The following OPTN variants were observed in gnomAD, a reference collection of about 807,000 sequenced individuals.
OPTN encodes optineurin, also known as E3-14.7K-interacting protein.
OPTN carries 54 observed loss-of-function variants against 70.4 expected under a neutral mutation model. The ratio of observed to expected loss-of-function variants is 0.77; its 90% confidence interval spans 0.62 to 0.96. OPTN has a LOEUF of 0.96. OPTN is among the 40% of genes least tolerant of loss of function. The probability of loss-of-function intolerance (pLI) is 0.00; values close to 1 mark genes in which losing one functional copy is unlikely to be tolerated. For missense variants in OPTN, 624 were observed against 673.2 expected (o/e 0.93, Z 0.81); for synonymous variants, 256 against 248.5 (o/e 1.03, Z -0.28).
Position 13,122,330 on chromosome 10 carries a change from T to A in OPTN, c.780-55T>A. The A allele has an allele frequency of 3.3e-6, 4 of 1,197,516 alleles. No individual in the cohort carries two copies. In the South Asian group the frequency reaches 3.7e-5, roughly 11 times the overall value. The allele number at this position is 1,197,516 out of a possible 1,614,324, so 74.2% of individuals were successfully genotyped here. On this transcript the variant is annotated intron_variant, in intron 7 of 14. Coordinates refer to ENST00000378747, the MANE Select transcript of OPTN (RefSeq NM_001008212.2). The stretch of plus-strand genomic sequence containing the variant: ...TTTTTAGTACTTCTGTAATAATTGC[T>A]ATTTCTCTTAAAGCCAAAGAGAAAG...
intron 7 of OPTN, 107 bp downstream of exon 7, chr10:13,119,147 T>G: frequency 9.1e-7 from 1 of 1,100,352 alleles, no homozygotes; most frequent in Non-Finnish European, 1.3e-6. Flanking sequence ...TTTCAGTGTT[T>G]TTTAGAATAT....
At chr10:13,130,281 C>T (rs946087744) in intron 12 of OPTN, among the ~76,000 whole-genome samples, 19 of 151,532 alleles carry the variant, frequency 1.3e-4, no homozygotes, top group African/African-American at 2.7e-4. Context: ...AAAAATTAGC[C>T]GAGCGTGTTG....
rs144948410 is a variant in OPTN, at chr10:13,102,769, C to G, written c.-164+2467C>G. ...ACCAGCCTGGCCAACGTGGCAAAAC[C>G]CTGTCTCTACTAAAAATACAAAAAT... On this transcript the variant is annotated intron_variant, in intron 1 of 14. Coordinates refer to ENST00000378747, the MANE Select transcript of OPTN (RefSeq NM_001008212.2). 2.6e-5 allele frequency among the ~76,000 whole-genome samples: 4 copies of G among 152,120 alleles called. No individual in the cohort carries two copies. The East Asian group carries it at 7.7e-4, about 29-fold the overall frequency.
At chr10:13,117,439 G>GA (rs1833242201) in intron 6 of OPTN, among the ~76,000 whole-genome samples, 1 of 32,746 alleles carries the variant, frequency 3.1e-5, no homozygotes, top group African/African-American at 1.3e-4. Context: ...TTGAGATGGA[G>GA]TTTTTTTTTT....
intron 1 of OPTN, chr10:13,104,778 C>T (rs1832827938): frequency 3.4e-6 from 2 of 594,886 alleles, no homozygotes; most frequent in African/African-American, 1.9e-5. Context: ...CCCTTCTAGC[C>T]ATCTGGTTAG....
chr10:13,118,409 G>T (rs1327833818), intron 6 of OPTN, among the ~76,000 whole-genome samples: 2 of 152,186 alleles, frequency 1.3e-5, no homozygotes, highest in Admixed American at 1.3e-4. Context: ...CTCATTATTT[G>T]AAACCACAAG....
chr10:13,100,273 G>T lies in OPTN; in HGVS notation c.-193G>T. 6.6e-6 allele frequency: 1 copy of T among 152,634 alleles called. No homozygotes were observed. Among genetic ancestry groups the T allele is most frequent in the South Asian group, 2.0e-4 (1 of 4,982 alleles). The allele number at this position is 152,634 out of a possible 1,614,324, so 9.5% of individuals were successfully genotyped here. A position where few individuals can be genotyped will look rare whatever the true frequency, so the allele number is the denominator to read the frequency against. On this transcript the variant is annotated 5_prime_UTR_variant, in exon 1 of 15. The change abolishes the stop of an existing upstream ORF in the 5' untranslated region. Transcript: ENST00000378747. ...GGCGGCACGATGCCGAGGAAACAGT[G>T]ACCCTGAGCGAAGCCAAGCCGGGCG...
intron 5 of OPTN, among the ~76,000 whole-genome samples, chr10:13,114,120 T>C (rs1228086191): frequency 6.6e-6 from 1 of 150,734 alleles, no homozygotes; most frequent in Non-Finnish European, 1.5e-5. Flanking sequence ...AAGAGAAAAA[T>C]GTACATTGTA....
intron 7 of OPTN, among the ~76,000 whole-genome samples, chr10:13,120,246 C>A (rs1833316843): frequency 6.6e-6 from 1 of 152,068 alleles, no homozygotes; most frequent in African/African-American, 2.4e-5. Flanking sequence ...CCTCAGCCTC[C>A]CAAAGCGCTG....
Position 13,116,973 on chromosome 10 carries a change from GCAAAGCAGTGCTCAC to G in OPTN, c.626+637_626+651del, listed in dbSNP as rs575551273. On this transcript the variant is annotated intron_variant, in intron 6 of 14. Coordinates refer to ENST00000378747, the MANE Select transcript of OPTN (RefSeq NM_001008212.2). ...TGAGCGCCTGAACCTCTTGACTCTCGCAAAGCAGTGCTCACCAAGGAGACTGCTAGCTCGCCTTCT... is the reference window on the plus strand; with the variant it reads ...TGAGCGCCTGAACCTCTTGACTCTCGCAAGGAGACTGCTAGCTCGCCTTCT... Among the ~76,000 whole-genome samples the G allele has an allele frequency of 5.9e-5, 9 of 152,038 alleles. No individual in the cohort carries two copies. The South Asian group carries it at 1.5e-3, about 25-fold the overall frequency.
At chr10:13,131,973 T>C (rs1833601678) in intron 12 of OPTN, 94 bp from the exon 13 acceptor site, 2 of 1,268,244 alleles carry the variant, frequency 1.6e-6, no homozygotes, top group Middle Eastern at 2.1e-4. Flanking sequence ...CAAGGGCTAT[T>C]GAAGGATACA....
intron 5 of OPTN, among the ~76,000 whole-genome samples, chr10:13,115,215 A>ATAGATATATCTATATATATC (rs1833143400): frequency 1.2e-5 from 1 of 86,924 alleles, no homozygotes; most frequent in African/African-American, 4.7e-5. Flanking sequence ...ATATTTATAT[A>ATAGATATATCTATATATATC]TATATTTATA....
intron 5 of OPTN, among the ~76,000 whole-genome samples, chr10:13,113,614 A>G (rs983872460): frequency 3.3e-5 from 5 of 152,178 alleles, no homozygotes; most frequent in South Asian, 2.1e-4. Flanking sequence ...GGGCAGCCCT[A>G]TTGAAGAGCA....
At chr10:13,118,813 A>G (rs577445500) in intron 6 of OPTN, 75 bp from the exon 7 acceptor site, 1 of 1,270,166 alleles carries the variant, frequency 7.9e-7, no homozygotes, top group Admixed American at 1.7e-5. Flanking sequence ...AGCTGGTCCC[A>G]GTTATATTGG....
chr10:13,134,102 C>T (rs1471221071), intron 14 of OPTN, among the ~76,000 whole-genome samples: 3 of 152,228 alleles, frequency 2.0e-5, no homozygotes, highest in Non-Finnish European at 4.4e-5. Flanking sequence ...AGCCACTGTA[C>T]CCGGCCTACA....
In OPTN at chr10:13,126,283, C is replaced by CCTTTTTTTTT. The variant is rs771767144; in HGVS notation, c.1242+244_1242+245insCTTTTTTTTT. 4.7e-4 allele frequency among the ~76,000 whole-genome samples: 66 copies of CCTTTTTTTTT among 139,044 alleles called. 2 individuals are homozygous for CCTTTTTTTTT. Among genetic ancestry groups the CCTTTTTTTTT allele is most frequent in the African/African-American group, 1.6e-3 (60 of 36,706 alleles). 91.2% of individuals were successfully genotyped at this position (139,044 alleles called of 152,430 possible). ...GTCAGGGATTAAGCACTTCGTATTT[C>CCTTTTTTTTT]TTTTTTTTTTTTTTTGAGACGGAGT... On this transcript the variant is annotated intron_variant, in intron 11 of 14. Coordinates refer to ENST00000378747, the MANE Select transcript of OPTN (RefSeq NM_001008212.2).
At chr10:13,104,232 T>C (rs1832809313) in intron 1 of OPTN, among the ~76,000 whole-genome samples, 1 of 149,196 alleles carries the variant, frequency 6.7e-6, no homozygotes, top group African/African-American at 2.5e-5. Context: ...TCATCCAAAA[T>C]CAGTTAAATT....
intron 6 of OPTN, among the ~76,000 whole-genome samples, chr10:13,117,295 T>C (rs978834040): frequency 6.6e-6 from 1 of 151,960 alleles, no homozygotes; most frequent in East Asian, 1.9e-4. Context: ...TTAGCCAGGA[T>C]GGTCTCGATC....
intron 14 of OPTN, 50 bp downstream of exon 14, chr10:13,133,631 A>T (rs1285893756): frequency 3.3e-6 from 5 of 1,518,282 alleles, no homozygotes; most frequent in Non-Finnish European, 4.6e-6. Flanking sequence ...TCCTATGAAA[A>T]AGATGCTTGA....
Sources: gnomAD v4.1 joint callset for allele counts (sites outside exome capture counted in the v4.1 genomes callset) on GRCh38, gnomAD v4.1.1 for gene constraint, MANE v1.5 for transcripts, NCBI Gene and HGNC (gene_info 2026-07-23, HGNC 2026-07-21) for gene names.